The following PRMT3 variants were observed in gnomAD, a reference collection of about 807,000 sequenced individuals.
PRMT3 encodes protein arginine methyltransferase 3, also known as protein arginine N-methyltransferase 3.
A neutral mutation model predicts 71.9 loss-of-function variants in PRMT3; 62 were observed. The ratio of observed to expected loss-of-function variants is 0.86; its 90% CI spans 0.70 to 1.07. The LOEUF is 1.07. PRMT3 is among the 50% of genes least tolerant of loss of function. PRMT3 has a pLI of 0.00. For missense variants in PRMT3, 663 were observed against 643.0 expected (o/e 1.03, Z -0.34); for synonymous variants, 213 against 220.4 (o/e 0.97, Z 0.30).
intron 11 of PRMT3, among the ~76,000 whole-genome samples, chr11:20,461,130 C>T (rs976442491): frequency 6.6e-6 from 1 of 152,208 alleles, no homozygotes; most frequent in African/African-American, 2.4e-5. Context: ...ACTTACCTTT[C>T]TAGCCTTGTG....
intron 10 of PRMT3, among the ~76,000 whole-genome samples, chr11:20,434,629 T>G (rs1342184476): frequency 6.6e-6 from 1 of 152,206 alleles, no homozygotes; most frequent in African/African-American, 2.4e-5. Context: ...CCTTTCCTCA[T>G]TGCTTGTTTT....
intron 15 of PRMT3, among the ~76,000 whole-genome samples, chr11:20,496,716 G>A (rs907617486): frequency 2.0e-5 from 3 of 152,142 alleles, no homozygotes; most frequent in African/African-American, 7.2e-5. Context: ...AAGCTGAGTG[G>A]TGGGCTCTAT....
chr11:20,493,806 G>C (rs192312862), intron 13 of PRMT3, 113 bp from the exon 14 acceptor site: 1 of 690,434 alleles, frequency 1.4e-6, no homozygotes, highest in East Asian at 2.8e-5. Flanking sequence ...AGTTTAAGAG[G>C]TATTTAGTCT....
At chr11:20,407,890 G>GT (rs755342137) in intron 8 of PRMT3, 21 bp from the exon 9 acceptor site, 3 of 1,590,378 alleles carry the variant, frequency 1.9e-6, no homozygotes, top group East Asian at 4.5e-5. Flanking sequence ...TTTTGTTTTG[G>GT]TTTTTTCTTA....
chr11:20,400,009 AAG>A (rs546093283), intron 7 of PRMT3, among the ~76,000 whole-genome samples: 8 of 152,362 alleles, frequency 5.3e-5, no homozygotes, highest in African/African-American at 1.9e-4. Context: ...TTGATTCAAA[AAG>A]AACTGTTTAT....
intron 13 of PRMT3, among the ~76,000 whole-genome samples, chr11:20,474,400 C>T (rs1850727887): frequency 6.6e-6 from 1 of 152,368 alleles, no homozygotes; most frequent in African/African-American, 2.4e-5. Context: ...CACAGAATTA[C>T]ACTACTTGGC....
intron 7 of PRMT3, among the ~76,000 whole-genome samples, chr11:20,400,024 A>C (rs531082358): frequency 6.6e-6 from 1 of 152,266 alleles, no homozygotes; most frequent in African/African-American, 2.4e-5. Flanking sequence ...CTGTTTATTC[A>C]TTTGCATTTT....
chr11:20,498,600 C>T (rs933243877), intron 15 of PRMT3, among the ~76,000 whole-genome samples: 5 of 152,066 alleles, frequency 3.3e-5, no homozygotes, highest in Admixed American at 6.5e-5. Flanking sequence ...CGTGGTAGCA[C>T]GCACCTGTAA....
intron 10 of PRMT3, among the ~76,000 whole-genome samples, chr11:20,448,826 AT>A (rs1002332680): frequency 3.3e-5 from 5 of 152,122 alleles, no homozygotes; most frequent in African/African-American, 1.2e-4. Context: ...GCAGTATTTA[AT>A]TTTTTAAAAG....
intron 13 of PRMT3, among the ~76,000 whole-genome samples, chr11:20,475,843 G>A (rs1055078856): frequency 3.3e-5 from 5 of 150,976 alleles, no homozygotes; most frequent in African/African-American, 1.2e-4. Context: ...TAGTAGAGAT[G>A]TATTTTGTAT....
At chr11:20,427,575 A>T (rs1273295681) in intron 10 of PRMT3, among the ~76,000 whole-genome samples, 1 of 151,992 alleles carries the variant, frequency 6.6e-6, no homozygotes, top group Admixed American at 6.6e-5. Context: ...AAATACAAAG[A>T]TTAGCTGGGC....
chr11:20,466,266 G>C (rs1850509697), intron 13 of PRMT3, among the ~76,000 whole-genome samples: 1 of 152,184 alleles, frequency 6.6e-6, no homozygotes, highest in Non-Finnish European at 1.5e-5. Context: ...GGAACAGACA[G>C]TATTTTCAAC....
At chr11:20,472,631 T>G (rs1305077591) in intron 13 of PRMT3, among the ~76,000 whole-genome samples, 1 of 128,444 alleles carries the variant, frequency 7.8e-6, no homozygotes, top group Admixed American at 8.8e-5. Context: ...CCTGAAGTTT[T>G]CTTTTTTTGT....
intron 9 of PRMT3, among the ~76,000 whole-genome samples, chr11:20,421,717 T>A (rs946001283): frequency 4.6e-5 from 7 of 152,192 alleles, no homozygotes; most frequent in African/African-American, 1.7e-4. Flanking sequence ...TTTTTTCCCT[T>A]GTCCTTTCTT....
intron 13 of PRMT3, among the ~76,000 whole-genome samples, chr11:20,482,198 A>C (rs961011103): frequency 6.6e-6 from 1 of 152,108 alleles, no homozygotes; most frequent in African/African-American, 2.4e-5. Flanking sequence ...TCTGTAATTC[A>C]TTGTTTAAAT....
At chr11:20,438,385 A>G (rs1379065583) in intron 10 of PRMT3, among the ~76,000 whole-genome samples, 2 of 152,050 alleles carry the variant, frequency 1.3e-5, no homozygotes, top group Non-Finnish European at 2.9e-5. Flanking sequence ...GTACCCTAGA[A>G]TGGTGGAGCT....
At chr11:20,392,105 A>C in intron 3 of PRMT3, 106 bp from the exon 4 acceptor site, 1 of 1,058,708 alleles carries the variant, frequency 9.4e-7, no homozygotes, top group Non-Finnish European at 1.4e-6. Context: ...AGTAATTTAG[A>C]GGTCAGAATT....
chr11:20,479,270 A>AG (rs1163250581), intron 13 of PRMT3, among the ~76,000 whole-genome samples: 1 of 152,148 alleles, frequency 6.6e-6, no homozygotes. Context: ...GTTTATTCTC[A>AG]GGAAACGTTC....
In PRMT3 at chr11:20,455,187, A is replaced by G. The variant is rs533642969; in HGVS notation, c.1072+2979A>G. On this transcript the variant is annotated intron_variant, in intron 11 of 15. Coordinates refer to ENST00000331079, the MANE Select transcript of PRMT3 (RefSeq NM_005788.4). ...CTACGATTAAGACTAAAATAAATGT[A>G]TATTTTAGGAGACAACATAGAATAT... Among the ~76,000 whole-genome samples, 15 of 152,288 alleles carry G rather than the reference A, an allele frequency of 9.8e-5. No homozygotes were observed. The East Asian group carries it at 2.5e-3, about 25-fold the overall frequency.
Sources: allele counts gnomAD v4.1 joint callset (sites outside exome capture counted in the v4.1 genomes callset), GRCh38; gene constraint gnomAD v4.1.1; transcripts MANE v1.5; gene names NCBI Gene and HGNC (gene_info 2026-07-23, HGNC 2026-07-21).